Variants in RAPGEF5 observed in about 807,000 individuals in gnomAD.
RAPGEF5 encodes the protein Rap guanine nucleotide exchange factor 5.
Under a neutral mutation model 125.2 loss-of-function variants are expected in RAPGEF5, and 65 were observed. The ratio of observed to expected loss-of-function variants is 0.52; its 90% CI spans 0.43 to 0.64. The LOEUF is 0.64. RAPGEF5 is among the 30% of genes least tolerant of loss of function. RAPGEF5 has a pLI of 0.00. For missense variants in RAPGEF5, 958 were observed against 1,048.1 expected, an observed-to-expected ratio of 0.91 and a Z score of 1.19; for synonymous variants, 391 against 385.9, an observed-to-expected ratio of 1.01 and a Z score of -0.16.
chr7:22,219,850 G>C lies in RAPGEF5; in HGVS notation c.996+16C>G. The C allele has an allele frequency of 6.3e-7, 1 of 1,579,792 alleles. No homozygotes were observed. The highest frequency in any genetic ancestry group is 8.6e-7 in the Non-Finnish European group (1 of 1,156,584). Reference sequence around the variant, plus strand: ...CACCCCTTCAAACCTGCATCCCCAAGAGGCAAAAGGCTTACGTGTTCAGAC... The same window carrying C: ...CACCCCTTCAAACCTGCATCCCCAACAGGCAAAAGGCTTACGTGTTCAGAC... On this transcript the variant is annotated intron_variant, in intron 9 of 25. Coordinates refer to ENST00000665637, the MANE Select transcript of RAPGEF5 (RefSeq NM_012294.5).
intron 11 of RAPGEF5, among the ~76,000 whole-genome samples, chr7:22,171,190 T>A (rs189559908): frequency 2.5e-4 from 38 of 152,318 alleles, no homozygotes; most frequent in Admixed American, 1.3e-3. Context: ...AGAACCATGA[T>A]GGTTATATGA....
chr7:22,123,269 G>A lies in RAPGEF5; in HGVS notation c.2537-748C>T, dbSNP rs528567144. 9.8e-5 allele frequency among the ~76,000 whole-genome samples: 15 copies of A among 152,286 alleles called. No individual in the cohort carries two copies. In the South Asian group the frequency reaches 2.3e-3, roughly 23 times the overall value. ...GTGAACACATCCACACCCTGCTAGC[G>A]TCCGTGCTGATAAGGAACCAGGATG... is the stretch of plus-strand genomic sequence containing the variant. On this transcript the variant is annotated intron_variant, in intron 25 of 25. Coordinates refer to ENST00000665637, the MANE Select transcript of RAPGEF5 (RefSeq NM_012294.5).
chr7:22,200,952 T>C (rs1248411848), intron 9 of RAPGEF5, among the ~76,000 whole-genome samples: 1 of 152,194 alleles, frequency 6.6e-6, no homozygotes, highest in African/African-American at 2.4e-5. Flanking sequence ...GACAGATCAT[T>C]CTGGATACTG....
intron 1 of RAPGEF5, among the ~76,000 whole-genome samples, chr7:22,355,636 A>G (rs530710428): frequency 5.3e-5 from 8 of 152,296 alleles, no homozygotes; most frequent in African/African-American, 1.7e-4. Context: ...GAGAATCCTC[A>G]GAACATCTTC....
chr7:22,325,145 T>C (rs1052262533), intron 1 of RAPGEF5, among the ~76,000 whole-genome samples: 2 of 152,158 alleles, frequency 1.3e-5, no homozygotes, highest in African/African-American at 4.8e-5. Flanking sequence ...GAGCCTCCCA[T>C]GATTAATCTC....
chr7:22,154,587 T>C lies in RAPGEF5; in HGVS notation c.1654A>G (p.Ile552Val), dbSNP rs377132569. The change falls in exon 17 of 26, where the codon ATA becomes GTA. Residue 552 changes from isoleucine to valine, a missense_variant. By Grantham distance (29) the Ile-to-Val change is conservative. Coordinates refer to ENST00000665637, the MANE Select transcript of RAPGEF5 (RefSeq NM_012294.5). ...ACACTGACATAGGAGTGCTCTGTTA[T>C]ATACACGTGGCAGAAAACTGCACAA... ...ETEEIFCHVY[I>V]TEHSYVSVKA... The C allele has an allele frequency of 1.4e-5, 22 of 1,613,386 alleles. No individual in the cohort carries two copies. Among genetic ancestry groups the C allele is most frequent in the Non-Finnish European group, 1.9e-5 (22 of 1,179,674 alleles).
At position 22,197,893 on chromosome 7, in the gene RAPGEF5, T is replaced by TTGGG. The variant is rs139871450; in HGVS notation, c.997-3861_997-3860insCCCA. 4.3e-4 allele frequency among the ~76,000 whole-genome samples: 50 copies of TTGGG among 116,344 alleles called. 1 individual carries two copies. Among genetic ancestry groups the TTGGG allele is most frequent in the Admixed American group, 3.4e-4 (4 of 11,702 alleles). 76.3% of individuals were successfully genotyped at this position (116,344 alleles called of 152,430 possible). A position where few individuals can be genotyped will look rare whatever the true frequency, so the allele number is the denominator to read the frequency against. On this transcript the variant is annotated intron_variant, in intron 9 of 25. Coordinates refer to ENST00000665637, the MANE Select transcript of RAPGEF5 (RefSeq NM_012294.5). The stretch of plus-strand genomic sequence containing the variant: ...ATTAAATCTCTTTTTTCTTTTTTTT[T>TTGGG]GGGGGGGGGTGGTAGGAGGACATTC...
intron 1 of RAPGEF5, among the ~76,000 whole-genome samples, chr7:22,331,466 C>T (rs1359483936): frequency 6.6e-6 from 1 of 152,034 alleles, no homozygotes; most frequent in Non-Finnish European, 1.5e-5. Context: ...AGGAGGTGGG[C>T]CAAGCACGGT....
intron 7 of RAPGEF5, among the ~76,000 whole-genome samples, chr7:22,252,582 C>T (rs541380795): frequency 5.3e-5 from 8 of 152,296 alleles, no homozygotes; most frequent in African/African-American, 1.9e-4. Flanking sequence ...AAACAATTCT[C>T]AGGGTTAAAG....
chr7:22,123,392 C>T (rs1469969260), intron 25 of RAPGEF5, among the ~76,000 whole-genome samples: 2 of 152,098 alleles, frequency 1.3e-5, no homozygotes, highest in Non-Finnish European at 2.9e-5. Context: ...CCAAACTGCA[C>T]TACAGTAAAA....
intron 13 of RAPGEF5, among the ~76,000 whole-genome samples, chr7:22,160,999 A>G (rs1437517032): frequency 2.0e-5 from 3 of 151,178 alleles, no homozygotes; most frequent in Non-Finnish European, 4.4e-5. Context: ...GATCGAGACC[A>G]TCATGCCTAA....
intron 10 of RAPGEF5, 106 bp downstream of exon 10, chr7:22,193,807 GGA>G (rs768908166): frequency 6.2e-7 from 1 of 1,610,438 alleles, no homozygotes; most frequent in South Asian, 1.1e-5. Context: ...AGAGAGGGAG[GGA>G]GGGTAGAGGA....
intron 8 of RAPGEF5, among the ~76,000 whole-genome samples, chr7:22,224,047 A>G (rs1785854706): frequency 1.3e-5 from 2 of 152,212 alleles, no homozygotes; most frequent in Admixed American, 6.5e-5. Context: ...ATTTATAAAA[A>G]CAAACAGTAG....
intron 1 of RAPGEF5, among the ~76,000 whole-genome samples, chr7:22,331,474 G>A (rs1005554052): frequency 2.0e-5 from 3 of 152,152 alleles, no homozygotes; most frequent in African/African-American, 4.8e-5. Flanking sequence ...GGCCAAGCAC[G>A]GTGGCTCACG....
At chr7:22,216,437 C>A (rs887711154) in intron 9 of RAPGEF5, among the ~76,000 whole-genome samples, 1 of 152,186 alleles carries the variant, frequency 6.6e-6, no homozygotes, top group Non-Finnish European at 1.5e-5. Context: ...AGTCATGTAT[C>A]TTCCCATGGG....
chr7:22,154,347 G>T, intron 17 of RAPGEF5, 108 bp downstream of exon 17: 1 of 1,270,108 alleles, frequency 7.9e-7, no homozygotes, highest in Non-Finnish European at 1.1e-6. Flanking sequence ...TCATCCAGCT[G>T]CGGGCCCAGA....
chr7:22,122,356 T>C lies in RAPGEF5; in HGVS notation c.*50A>G. 2.1e-6 allele frequency: 3 copies of C among 1,436,046 alleles called. No homozygotes were observed. Among genetic ancestry groups the C allele is most frequent in the Non-Finnish European group, 2.9e-6 (3 of 1,023,308 alleles). The allele number at this position is 1,436,046 out of a possible 1,614,324, so 89.0% of individuals were successfully genotyped here. On this transcript the variant is annotated 3_prime_UTR_variant, in exon 26 of 26. Coordinates refer to ENST00000665637, the MANE Select transcript of RAPGEF5 (RefSeq NM_012294.5). ...GAAAGCAACGTGCTTGGCATAGACA[T>C]TCCCGTAGCTCAAAGTGCTGCAGAT...
At position 22,155,311 on chromosome 7, in the gene RAPGEF5, G is replaced by A. The variant is rs527363395; in HGVS notation, c.1637-707C>T. On this transcript the variant is annotated intron_variant, in intron 16 of 25. Coordinates refer to ENST00000665637, the MANE Select transcript of RAPGEF5 (RefSeq NM_012294.5). Reference sequence around the variant, plus strand: ...ACATTATCACTATCAGGGTGAATGGGTCCTGAAAAATGTTTTCTTTATGAT... The same window carrying A: ...ACATTATCACTATCAGGGTGAATGGATCCTGAAAAATGTTTTCTTTATGAT... Among the ~76,000 whole-genome samples the A allele has an allele frequency of 2.6e-5, 4 of 152,238 alleles. 1 individual carries two copies. The South Asian group carries it at 8.3e-4, about 32-fold the overall frequency.
intron 11 of RAPGEF5, among the ~76,000 whole-genome samples, chr7:22,173,319 G>C (rs1583445981): frequency 6.6e-6 from 1 of 152,172 alleles, no homozygotes; most frequent in African/African-American, 2.4e-5. Flanking sequence ...ATTTCTGAAA[G>C]TGATATTAAC....
Sources: allele counts gnomAD v4.1 joint callset (sites outside exome capture counted in the v4.1 genomes callset), GRCh38; gene constraint gnomAD v4.1.1; transcripts MANE v1.5; gene names NCBI Gene and HGNC (gene_info 2026-07-23, HGNC 2026-07-21).